Variants in CPEB2 observed in about 807,000 individuals in gnomAD.
CPEB2 encodes cytoplasmic polyadenylation element-binding protein 2.
Under a neutral mutation model 93.6 loss-of-function variants are expected in CPEB2, and 56 were observed. The observed-to-expected ratio is 0.60, with a 90% CI of 0.48 to 0.75. The LOEUF (loss-of-function observed/expected upper bound fraction) is 0.75, where lower values mean the gene tolerates loss of function less well. CPEB2 is among the 30% of genes least tolerant of loss of function. The pLI is 0.00. For missense variants in CPEB2, 1,579 were observed against 1,395.1 expected (o/e 1.13, Z -2.10); for synonymous variants, 764 against 586.3 (o/e 1.30, Z -4.38).
intron 3 of CPEB2, among the ~76,000 whole-genome samples, chr4:15,015,890 A>G (rs186536447): frequency 3.7e-4 from 57 of 152,168 alleles, no homozygotes; most frequent in Non-Finnish European, 2.9e-5. Flanking sequence ...TAGGACAATT[A>G]TAACAATGTA....
Position 15,004,059 on chromosome 4 carries a change from C to A in CPEB2, c.1386C>A (p.Phe462Leu). ...CGTCGTCCATGAACCCGGCCTTCTTCCCTAGCTTCTCGCCCGTGTCGCCGC... is the reference window on the plus strand; with the variant it reads ...CGTCGTCCATGAACCCGGCCTTCTTACCTAGCTTCTCGCCCGTGTCGCCGC... ...GLPSSMNPAF[F>L]PSFSPVSPHG... Residue 462 changes from phenylalanine (F) to leucine (L), a missense_variant, in exon 1 of 12, where the codon TTC becomes TTA. Phe to Leu is a conservative substitution (Grantham distance 22). Transcript: ENST00000538197. 1.9e-6 allele frequency: 3 copies of A among 1,567,676 alleles called. No individual in the cohort carries two copies. The highest frequency in any genetic ancestry group is 2.6e-6 in the Non-Finnish European group (3 of 1,159,686).
At chr4:15,047,927 T>TA (rs1433787567) in intron 6 of CPEB2, among the ~76,000 whole-genome samples, 2 of 151,232 alleles carry the variant, frequency 1.3e-5, no homozygotes, top group East Asian at 1.9e-4. Flanking sequence ...TTTTTTTTTT[T>TA]AATTATGAAT....
In CPEB2 at chr4:15,002,988, G is replaced by C; in HGVS notation, c.315G>C (p.Pro105=). ...TGCTTCTGGGGCTGACACAGCAGCC[G>C]GCGCGGCCGCTTTCGGGGGCGGCGG... The part of the protein sequence containing the change: ...DELLLGLTQQ[P]ARPLSGAAAT... The change falls in exon 1 of 12, where the codon CCG becomes CCC. Residue 105 remains proline, a synonymous_variant. Transcript: ENST00000538197. 6.7e-7 allele frequency: 1 copy of C among 1,501,128 alleles called. No individual in the cohort carries two copies. The highest frequency in any genetic ancestry group is 8.8e-7 in the Non-Finnish European group (1 of 1,136,100). The allele number at this position is 1,501,128 out of a possible 1,614,324, so 93.0% of individuals were successfully genotyped here. A position where few individuals can be genotyped will look rare whatever the true frequency, so the allele number is the denominator to read the frequency against.
At chr4:15,009,911 A>G (rs1350955297) in intron 3 of CPEB2, among the ~76,000 whole-genome samples, 1 of 152,204 alleles carries the variant, frequency 6.6e-6, no homozygotes, top group Admixed American at 6.5e-5. Context: ...TTAGACTTCA[A>G]TCAAAGCTAT....
rs1020027443 is a variant in CPEB2 at position 15,066,206 on chromosome 4, C to T, written c.2931C>T (p.Gly977=). The T allele has an allele frequency of 9.3e-6, 15 of 1,613,258 alleles. No individual in the cohort carries two copies. The highest frequency in any genetic ancestry group is 1.6e-4 in the Middle Eastern group (1 of 6,074). The change falls in exon 12 of 12, where the codon GGC becomes GGT. Residue 977 remains glycine (G), a synonymous_variant. Transcript: ENST00000538197. ...ACCAGATGTGTGATGAATGCCAGGG[C>T]GCACGCTGTGGTGGAAAATTTGCTC... The part of the protein sequence containing the change: ...LDDQMCDECQ[G]ARCGGKFAPF...
rs1056535215 is a variant in CPEB2, at chr4:15,048,136, A to G, written c.2201-4278A>G. 6.6e-5 allele frequency among the ~76,000 whole-genome samples: 10 copies of G among 151,970 alleles called. No individual in the cohort carries two copies. The South Asian group carries it at 1.5e-3, about 22-fold the overall frequency. On this transcript the variant is annotated intron_variant, in intron 6 of 11. Transcript: ENST00000538197. ...CTATACTTCTGGATTCATTCTGCCA[A>G]TATATTTTTTAGGATTTTTGCATTT... is the stretch of plus-strand genomic sequence containing the variant.
chr4:15,054,112 A>G lies in CPEB2; in HGVS notation c.2372-16A>G, dbSNP rs529934448. The G allele has an allele frequency of 1.4e-5, 22 of 1,558,928 alleles. No individual in the cohort carries two copies. In the Admixed American group the frequency reaches 3.8e-4, roughly 27 times the overall value. ...CTGAAACTAATTTCTAATGTGTATT[A>G]TTGTACTTTCTTAAGATGAAATAAC... On this transcript the variant is annotated splice_polypyrimidine_tract_variant and intron_variant, in intron 7 of 11. Coordinates refer to ENST00000538197, the MANE Select transcript of CPEB2 (RefSeq NM_001177382.2).
intron 3 of CPEB2, among the ~76,000 whole-genome samples, chr4:15,013,268 T>C (rs2108974414): frequency 6.6e-6 from 1 of 152,040 alleles, no homozygotes; most frequent in East Asian, 1.9e-4. Context: ...TGTGAGATTC[T>C]GTAATCTGTT....
chr4:15,021,297 A>G (rs373766241), intron 4 of CPEB2, among the ~76,000 whole-genome samples: 6 of 152,316 alleles, frequency 3.9e-5, no homozygotes, highest in African/African-American at 1.2e-4. Flanking sequence ...TTGCTTTTCA[A>G]AGGAAGATCA....
At chr4:15,035,834 A>G (rs1726549573) in intron 5 of CPEB2, among the ~76,000 whole-genome samples, 1 of 152,228 alleles carries the variant, frequency 6.6e-6, no homozygotes, top group Non-Finnish European at 1.5e-5. Context: ...ACACATTAAA[A>G]TAAATGCATG....
chr4:15,036,868 T>A (rs1388086093), intron 5 of CPEB2, among the ~76,000 whole-genome samples: 1 of 152,186 alleles, frequency 6.6e-6, no homozygotes, highest in African/African-American at 2.4e-5. Flanking sequence ...AGTCAGTAAT[T>A]GTATTTCTGA....
intron 5 of CPEB2, among the ~76,000 whole-genome samples, chr4:15,039,499 G>A (rs1452061070): frequency 6.7e-6 from 1 of 149,298 alleles, no homozygotes; most frequent in Non-Finnish European, 1.5e-5. Flanking sequence ...TTTAAAATAA[G>A]ATCTTAATTT....
rs200960234 is a variant in CPEB2, at chr4:15,025,383, CT to C, written c.2126-7777del. 8.1e-4 allele frequency among the ~76,000 whole-genome samples: 123 copies of C among 151,868 alleles called. No individual in the cohort carries two copies. In the East Asian group the frequency reaches 0.016, roughly 20 times the overall value. ...AAGTTCTTTTTTATTTGTTTGTGTT[CT>C]CTTTTTTTCTCATGTTGGGGGCTTC... On this transcript the variant is annotated intron_variant, in intron 4 of 11. Coordinates refer to ENST00000538197, the MANE Select transcript of CPEB2 (RefSeq NM_001177382.2).
At position 15,004,207 on chromosome 4, in the gene CPEB2, C is replaced by G; in HGVS notation, c.1534C>G (p.Pro512Ala). ...PPAMNIPQQQPPPPAAPQQPQ... is the reference protein window; with the variant it reads ...PPAMNIPQQQAPPPAAPQQPQ... ...CGCCATGAATATACCTCAACAGCAGCCCCCGCCGCCCGCGGCGCCGCAGCA... is the reference window on the plus strand; with the variant it reads ...CGCCATGAATATACCTCAACAGCAGGCCCCGCCGCCCGCGGCGCCGCAGCA... Residue 512 changes from proline to alanine, a missense_variant, in exon 1 of 12, where the codon CCC (proline) becomes GCC (alanine). By Grantham distance (27) the Pro-to-Ala change is conservative. Around this residue, in one of 2 missense-constraint regions of CPEB2, gnomAD observed 1,411 missense variants for 1,056.0 expected, o/e 1.34. Coordinates refer to ENST00000538197, the MANE Select transcript of CPEB2 (RefSeq NM_001177382.2). The G allele has an allele frequency of 6.7e-7, 1 of 1,492,826 alleles. No homozygotes were observed. Among genetic ancestry groups the G allele is most frequent in the East Asian group, 2.8e-5 (1 of 35,222 alleles). The allele number at this position is 1,492,826 out of a possible 1,614,324, so 92.5% of individuals were successfully genotyped here. A position where few individuals can be genotyped will look rare whatever the true frequency, so the allele number is the denominator to read the frequency against.
rs146170791 is a variant in CPEB2, at chr4:15,007,325, C to T, written c.1683C>T (p.Pro561=). 5.2e-6 allele frequency: 8 copies of T among 1,543,552 alleles called. No homozygotes were observed. In the African/African-American group the frequency reaches 1.1e-4, roughly 21 times the overall value. ...CCTAGCCTCTTCTGAAACAGTCTCC[C>T]TGGAGCAACCATCAGAGCAGTGGCT... ...NHHQPLLKQS[P]WSNHQSSGWG... is the part of the protein sequence containing the mutation. Residue 561 remains proline (P), a synonymous_variant, in exon 2 of 12, where the codon CCC becomes CCT. Transcript: ENST00000538197.
rs1273609373 is a variant in CPEB2, at chr4:15,003,741, C to T, written c.1068C>T (p.Gly356=). The T allele has an allele frequency of 2.7e-6, 3 of 1,105,086 alleles. No individual in the cohort carries two copies. The highest frequency in any genetic ancestry group is 3.3e-6 in the Non-Finnish European group (3 of 902,208). 68.5% of individuals were successfully genotyped at this position (1,105,086 alleles called of 1,614,324 possible). A position where few individuals can be genotyped will look rare whatever the true frequency, so the allele number is the denominator to read the frequency against. ...DLPHPGGGGG[G]GGGGPPGGGG... ...CACACCCGGGCGGCGGCGGCGGCGG[C>T]GGGGGCGGGGGGCCCCCAGGAGGCG... Residue 356 remains glycine, a synonymous_variant, in exon 1 of 12, where the codon GGC becomes GGT. Coordinates refer to ENST00000538197, the MANE Select transcript of CPEB2 (RefSeq NM_001177382.2).
chr4:15,059,048 A>G, intron 9 of CPEB2, 139 bp from the exon 10 acceptor site: 1 of 521,298 alleles, frequency 1.9e-6, no homozygotes, highest in Non-Finnish European at 3.4e-6. Context: ...AACAAAAGTT[A>G]TAAAAATAAT....
chr4:15,040,370 G>T, intron 5 of CPEB2, 94 bp from the exon 6 acceptor site: 1 of 1,161,090 alleles, frequency 8.6e-7, no homozygotes, highest in South Asian at 1.4e-5. Flanking sequence ...CTAATTTTCA[G>T]ATGCCCACAT....
intron 11 of CPEB2, among the ~76,000 whole-genome samples, chr4:15,065,612 G>A (rs1055131938): frequency 4.6e-5 from 7 of 152,054 alleles, no homozygotes; most frequent in Non-Finnish European, 7.4e-5. Flanking sequence ...GAAGTGTTCT[G>A]CCAAGTCAGA....
Sources: gnomAD v4.1 joint callset for allele counts (sites outside exome capture counted in the v4.1 genomes callset) on GRCh38, gnomAD v4.1.1 for gene constraint, gnomAD v4.1.1 regional missense constraint, MANE v1.5 for transcripts, NCBI Gene and HGNC (gene_info 2026-07-23, HGNC 2026-07-21) for gene names.